Variants in LUZP2 observed in about 807,000 individuals in gnomAD.
LUZP2 encodes the protein leucine zipper protein 2.
In LUZP2, 52 loss-of-function variants were observed where a neutral mutation model predicts 51.6. The observed-to-expected ratio is 1.01, with a 90% confidence interval of 0.81 to 1.27. The LOEUF (loss-of-function observed/expected upper bound fraction) is 1.27, where lower values mean the gene tolerates loss of function less well. Among genes scored for constraint, LUZP2 ranks in the 50% most tolerant of loss-of-function variants. The pLI is 0.00. For synonymous variants in LUZP2, 154 were observed against 137.3 expected (o/e 1.12, Z -0.85); for missense variants, 436 against 395.4 (o/e 1.10, Z -0.87).
intron 10 of LUZP2, among the ~76,000 whole-genome samples, chr11:25,065,323 C>T (rs1176887898): frequency 6.6e-6 from 1 of 151,928 alleles, no homozygotes; most frequent in Non-Finnish European, 1.5e-5. Context: ...GTCATAATTG[C>T]CTATAACATT....
At chr11:24,680,236 G>C (rs945571304) in intron 1 of LUZP2, among the ~76,000 whole-genome samples, 4 of 152,232 alleles carry the variant, frequency 2.6e-5, no homozygotes, top group Admixed American at 2.6e-4. Flanking sequence ...TGGCAGAAAA[G>C]GAGCAAGGCT....
intron 1 of LUZP2, among the ~76,000 whole-genome samples, chr11:24,609,729 CAAAAAAAAAAAAAAAAAAA>C (rs34436907): frequency 3.0e-5 from 2 of 65,896 alleles, no homozygotes; most frequent in Non-Finnish European, 4.9e-5. Flanking sequence ...GACTCCAGCT[CAAAAAAAAAAAAAAAAAAA>C]AAAAAAAAAA....
At chr11:25,044,528 T>TA (rs969642157) in intron 9 of LUZP2, among the ~76,000 whole-genome samples, 1 of 152,014 alleles carries the variant, frequency 6.6e-6, no homozygotes, top group Non-Finnish European at 1.5e-5. Context: ...TGTTTGTATT[T>TA]AAAAAATTAA....
At chr11:24,599,393 T>G (rs1409108589) in intron 1 of LUZP2, among the ~76,000 whole-genome samples, 2 of 152,134 alleles carry the variant, frequency 1.3e-5, no homozygotes, top group Non-Finnish European at 2.9e-5. Context: ...CTTGCAAGTT[T>G]ACTCTCCACT....
At chr11:24,900,679 C>T (rs968219924) in intron 5 of LUZP2, among the ~76,000 whole-genome samples, 2 of 152,108 alleles carry the variant, frequency 1.3e-5, no homozygotes, top group Non-Finnish European at 2.9e-5. Flanking sequence ...GAAGAGAAGT[C>T]GACTGTTAAA....
rs141254855 is a variant in LUZP2 at position 24,969,255 on chromosome 11, T to C, written c.523-7336T>C. 3.6e-3 allele frequency among the ~76,000 whole-genome samples: 553 copies of C among 152,280 alleles called. 1 individual carries two copies. The highest frequency in any genetic ancestry group is 8.1e-3 in the Admixed American group (124 of 15,290). The stretch of plus-strand genomic sequence containing the variant: ...TAGCTCCCACTTATAAGTGAGAACA[T>C]GGAGTATTTGGTTTTCTGTTCCTGT... On this transcript the variant is annotated intron_variant, in intron 7 of 11. Transcript: ENST00000336930.
chr11:24,655,418 T>C (rs1172170251), intron 1 of LUZP2, among the ~76,000 whole-genome samples: 1 of 152,102 alleles, frequency 6.6e-6, no homozygotes. Flanking sequence ...GTGCAGTGAA[T>C]ATTTTGGATC....
chr11:24,917,495 T>C (rs1159575099), intron 7 of LUZP2, among the ~76,000 whole-genome samples: 1 of 152,190 alleles, frequency 6.6e-6, no homozygotes. Context: ...TTAATCCATC[T>C]TGAATTAATT....
intron 1 of LUZP2, among the ~76,000 whole-genome samples, chr11:24,723,047 G>A (rs543653073): frequency 6.6e-6 from 1 of 152,130 alleles, no homozygotes; most frequent in East Asian, 1.9e-4. Context: ...AACAAGCAAT[G>A]GGCAAACTAA....
chr11:24,799,232 G>A lies in LUZP2; in HGVS notation c.396+35924G>A, dbSNP rs545109664. Among the ~76,000 whole-genome samples the A allele has an allele frequency of 5.9e-5, 9 of 152,294 alleles. No individual in the cohort carries two copies. In the South Asian group the frequency reaches 1.9e-3, roughly 32 times the overall value. ...TCAAAGGATTCCCACAGGTAGGAAA[G>A]TATTACCTTAATATAGAGAGAAAAC... On this transcript the variant is annotated intron_variant, in intron 5 of 11. Transcript: ENST00000336930.
chr11:24,684,275 GA>G (rs539676951), intron 1 of LUZP2, among the ~76,000 whole-genome samples: 3 of 151,518 alleles, frequency 2.0e-5, no homozygotes, highest in Non-Finnish European at 2.9e-5. Context: ...TTGCCCATAG[GA>G]AAAAAAATAA....
chr11:24,762,317 A>C (rs1008803005), intron 4 of LUZP2, among the ~76,000 whole-genome samples: 1 of 152,172 alleles, frequency 6.6e-6, no homozygotes, highest in African/African-American at 2.4e-5. Flanking sequence ...AAATATGACT[A>C]ATCCAAACTG....
chr11:25,053,570 G>T (rs1297450348), intron 10 of LUZP2, among the ~76,000 whole-genome samples: 2 of 143,522 alleles, frequency 1.4e-5, no homozygotes, highest in Admixed American at 7.0e-5. Context: ...AATACAATGA[G>T]TCCTCATCCC....
At chr11:24,815,997 T>TTTTTTA (rs2134146604) in intron 5 of LUZP2, among the ~76,000 whole-genome samples, 1 of 7,876 alleles carries the variant, frequency 1.3e-4, no homozygotes, top group African/African-American at 1.6e-4. Context: ...TCTTATCTTC[T>TTTTTTA]TTTTTTTTTA....
chr11:25,067,441 T>C (rs1859029030), intron 10 of LUZP2, among the ~76,000 whole-genome samples: 1 of 152,144 alleles, frequency 6.6e-6, no homozygotes, highest in Non-Finnish European at 1.5e-5. Flanking sequence ...GTTTTAGTCA[T>C]GAAGTCTTTG....
At chr11:24,650,593 C>T (rs768553709) in intron 1 of LUZP2, among the ~76,000 whole-genome samples, 1 of 152,152 alleles carries the variant, frequency 6.6e-6, no homozygotes, top group Middle Eastern at 3.4e-3. Flanking sequence ...AGAAGCAATG[C>T]ATCCCAGAAT....
intron 5 of LUZP2, among the ~76,000 whole-genome samples, chr11:24,792,108 C>T (rs1849425108): frequency 6.6e-6 from 1 of 151,746 alleles, no homozygotes; most frequent in South Asian, 2.1e-4. Flanking sequence ...TGTGACCTAC[C>T]TATCTTGCAT....
chr11:24,937,220 G>T (rs185915566), intron 7 of LUZP2, among the ~76,000 whole-genome samples: 10 of 152,170 alleles, frequency 6.6e-5, no homozygotes, highest in African/African-American at 2.4e-4. Context: ...TAGAAGCATT[G>T]TCTACTGAAT....
At chr11:24,816,189 G>A (rs1456645158) in intron 5 of LUZP2, among the ~76,000 whole-genome samples, 2 of 151,988 alleles carry the variant, frequency 1.3e-5, no homozygotes, top group Non-Finnish European at 2.9e-5. Flanking sequence ...CACACCCCAC[G>A]TGGTAGTTAG....
Sources: allele counts gnomAD v4.1 joint callset (sites outside exome capture counted in the v4.1 genomes callset), GRCh38; gene constraint gnomAD v4.1.1; transcripts MANE v1.5; gene names NCBI Gene and HGNC (gene_info 2026-07-23, HGNC 2026-07-21).